Variants in SNW1 observed in about 807,000 individuals in gnomAD.
SNW1 encodes SNW domain-containing protein 1.
SNW1 carries 9 observed loss-of-function variants against 75.6 expected under a neutral mutation model. That is an observed-to-expected ratio of 0.12 (90% CI 0.07 to 0.21). SNW1 has a LOEUF of 0.21. Ranked by LOEUF, SNW1 falls within the 10% of genes least tolerant of loss-of-function variation. SNW1 has a pLI of 1.00. For missense variants in SNW1, 409 were observed against 670.9 expected (o/e 0.61, Z 4.31); for synonymous variants, 200 against 219.1 (o/e 0.91, Z 0.77).
intron 10 of SNW1, among the ~76,000 whole-genome samples, chr14:77,725,536 C>A (rs562055538): frequency 2.0e-5 from 3 of 152,192 alleles, no homozygotes; most frequent in Admixed American, 6.5e-5. Context: ...TATTTTCATT[C>A]TTTTGCATGT....
At position 77,740,157 on chromosome 14, in the gene SNW1, A is replaced by G. The variant is rs1014630901; in HGVS notation, c.331-1096T>C. On this transcript the variant is annotated intron_variant, in intron 3 of 13. Transcript: ENST00000261531. ...TATTAAAAAAAAAAAAAAAAAAAAA[A>G]AGAGAGAGATACAGAAAATTCAATA... 9.6e-5 allele frequency among the ~76,000 whole-genome samples: 11 copies of G among 114,370 alleles called. No individual in the cohort carries two copies. In the East Asian group the frequency reaches 1.5e-3, roughly 16 times the overall value. The allele number at this position is 114,370 out of a possible 152,430, so 75.0% of individuals were successfully genotyped here. A position where few individuals can be genotyped will look rare whatever the true frequency, so the allele number is the denominator to read the frequency against.
intron 2 of SNW1, among the ~76,000 whole-genome samples, chr14:77,753,259 A>G (rs2139932119): frequency 6.6e-6 from 1 of 152,358 alleles, no homozygotes; most frequent in South Asian, 2.1e-4. Flanking sequence ...GCAACCAAGT[A>G]TCGTAATGCT....
intron 6 of SNW1, 149 bp from the exon 7 acceptor site, chr14:77,736,155 G>C: frequency 1.8e-6 from 1 of 566,994 alleles, no homozygotes. Context: ...ACTCCACTTT[G>C]ACAATGAATA....
chr14:77,738,694 A>C, intron 5 of SNW1, 84 bp downstream of exon 5: 1 of 894,412 alleles, frequency 1.1e-6, no homozygotes, highest in South Asian at 1.4e-5. Flanking sequence ...AATGGTTGCT[A>C]AGTGGGTTAG....
intron 10 of SNW1, among the ~76,000 whole-genome samples, chr14:77,728,261 C>A (rs1410970215): frequency 6.6e-6 from 1 of 151,924 alleles, no homozygotes; most frequent in Non-Finnish European, 1.5e-5. Context: ...ACCAGCCTGG[C>A]CAATATGGTA....
chr14:77,734,928 G>T lies in SNW1; in HGVS notation c.774+19C>A. The T allele has an allele frequency of 6.4e-7, 1 of 1,560,806 alleles. No homozygotes were observed. The highest frequency in any genetic ancestry group is 1.1e-5 in the South Asian group (1 of 89,654). On this transcript the variant is annotated intron_variant, in intron 8 of 13. Coordinates refer to ENST00000261531, the MANE Select transcript of SNW1 (RefSeq NM_012245.3). Reference sequence around the variant, plus strand: ...CCAGTAGGTTATACTAATAGAGACTGATTTGACAACTTAATTACCTTTGCA... The same window carrying T: ...CCAGTAGGTTATACTAATAGAGACTTATTTGACAACTTAATTACCTTTGCA...
intron 5 of SNW1, among the ~76,000 whole-genome samples, chr14:77,737,818 C>A (rs1420860159): frequency 6.6e-6 from 1 of 151,616 alleles, no homozygotes; most frequent in Non-Finnish European, 1.5e-5. Context: ...GTGGTGAAAC[C>A]CTGTCTCTAC....
chr14:77,755,263 G>C, intron 1 of SNW1, 143 bp from the exon 2 acceptor site: 1 of 696,710 alleles, frequency 1.4e-6, no homozygotes, highest in Non-Finnish European at 2.4e-6. Flanking sequence ...ATTTATGGTA[G>C]TACTCAATAC....
At chr14:77,719,659 A>AACAAAC (rs139385909) in intron 12 of SNW1, among the ~76,000 whole-genome samples, 1 of 148,770 alleles carries the variant, frequency 6.7e-6, no homozygotes, top group Admixed American at 6.7e-5. Context: ...AAAACAAACA[A>AACAAAC]AAAAAACTTT....
intron 10 of SNW1, among the ~76,000 whole-genome samples, chr14:77,727,936 A>AT (rs1466696560): frequency 6.6e-6 from 1 of 152,010 alleles, no homozygotes; most frequent in Non-Finnish European, 1.5e-5. Context: ...CTTCTCTTCA[A>AT]TTTTTTGGAA....
intron 1 of SNW1, among the ~76,000 whole-genome samples, chr14:77,758,348 C>T (rs994265993): frequency 2.4e-4 from 31 of 127,140 alleles, no homozygotes; most frequent in Admixed American, 1.8e-3. Flanking sequence ...AACAAATTTT[C>T]GTATGCTTTT....
At chr14:77,732,627 C>G in intron 8 of SNW1, 26 bp from the exon 9 acceptor site, 1 of 1,269,700 alleles carries the variant, frequency 7.9e-7, no homozygotes, top group Non-Finnish European at 1.1e-6. Context: ...ACAGAAAACC[C>G]AGTCACAGAA....
intron 2 of SNW1, 36 bp downstream of exon 2, chr14:77,754,931 C>A: frequency 2.0e-6 from 3 of 1,513,606 alleles, no homozygotes; most frequent in Non-Finnish European, 2.7e-6. Flanking sequence ...AATTTCAGCA[C>A]AATTTAACAA....
chr14:77,736,887 TGCCTGGC>T, intron 6 of SNW1, 77 bp downstream of exon 6: 2 of 980,458 alleles, frequency 2.0e-6, no homozygotes, highest in Admixed American at 1.8e-5. Context: ...TACTTGTTTT[TGCCTGGC>T]TTCTTTCACT....
chr14:77,753,631 A>G (rs2080823522), intron 2 of SNW1, among the ~76,000 whole-genome samples: 1 of 152,166 alleles, frequency 6.6e-6, no homozygotes. Context: ...GATATGATCT[A>G]GTTGGGTGTT....
At chr14:77,751,919 G>A (rs2139930754) in intron 2 of SNW1, among the ~76,000 whole-genome samples, 1 of 152,044 alleles carries the variant, frequency 6.6e-6, no homozygotes, top group South Asian at 2.1e-4. Context: ...GCAAGAATGA[G>A]CTTGGTATAT....
chr14:77,755,268 C>A, intron 1 of SNW1, 148 bp from the exon 2 acceptor site: 1 of 660,108 alleles, frequency 1.5e-6, no homozygotes. Context: ...TGGTAGTACT[C>A]AATACTAGCC....
chr14:77,751,846 CA>C (rs1594808444), intron 2 of SNW1, among the ~76,000 whole-genome samples: 3 of 98,898 alleles, frequency 3.0e-5, no homozygotes, highest in East Asian at 3.0e-4. Context: ...ACACACACAC[CA>C]CACACACACA....
At chr14:77,739,714 T>C (rs1189137267) in intron 3 of SNW1, among the ~76,000 whole-genome samples, 1 of 152,202 alleles carries the variant, frequency 6.6e-6, no homozygotes, top group Non-Finnish European at 1.5e-5. Context: ...ATGCCCAACA[T>C]GGTTTCTATT....
Sources: allele counts gnomAD v4.1 joint callset (sites outside exome capture counted in the v4.1 genomes callset), GRCh38; gene constraint gnomAD v4.1.1; transcripts MANE v1.5; gene names NCBI Gene and HGNC (gene_info 2026-07-23, HGNC 2026-07-21).